The following DACH1 variants were observed in gnomAD, a reference collection of about 807,000 sequenced individuals.
DACH1 encodes dachshund family transcription factor 1.
A neutral mutation model predicts 54.2 loss-of-function variants in DACH1; 12 were observed. The ratio of observed to expected loss-of-function variants is 0.22; its 90% CI spans 0.14 to 0.36. The LOEUF is 0.36. Among genes scored for constraint, DACH1 ranks in the 10% least tolerant of loss-of-function variants. The pLI, the probability that DACH1 is intolerant of heterozygous loss-of-function variation, is 1.00. For missense variants in DACH1, 805 were observed against 929.8 expected (o/e 0.87, Z 1.75); for synonymous variants, 386 against 366.2 (o/e 1.05, Z -0.62).
chr13:71,684,453 A>G (rs1340511628), intron 1 of DACH1, among the ~76,000 whole-genome samples: 1 of 152,078 alleles, frequency 6.6e-6, no homozygotes, highest in Non-Finnish European at 1.5e-5. Context: ...CAGTTTCCTG[A>G]GTGGCTCTGG....
chr13:71,438,256 T>G lies in DACH1; in HGVS notation c.*2399A>C, dbSNP rs1235928688. 1 of 152,344 alleles carries G rather than the reference T, an allele frequency of 6.6e-6. No homozygotes were observed. The highest frequency in any genetic ancestry group is 1.9e-4 in the East Asian group (1 of 5,192). The allele number at this position is 152,344 out of a possible 1,614,324, so 9.4% of individuals were successfully genotyped here. On this transcript the variant is annotated 3_prime_UTR_variant, in exon 11 of 11. Transcript: ENST00000613252. ...GTATGTTCTGTTCCAAGGGCTTGCATAGAGCGCAAATGTGGTTATAATATA... is the reference window on the plus strand; with the variant it reads ...GTATGTTCTGTTCCAAGGGCTTGCAGAGAGCGCAAATGTGGTTATAATATA...
intron 1 of DACH1, among the ~76,000 whole-genome samples, chr13:71,816,936 A>T (rs532622312): frequency 1.3e-5 from 2 of 152,188 alleles, no homozygotes; most frequent in African/African-American, 4.8e-5. Flanking sequence ...GAGGTAGAGG[A>T]TCAGGAAGAA....
intron 6 of DACH1, among the ~76,000 whole-genome samples, chr13:71,529,398 G>A (rs1489136628): frequency 3.3e-5 from 5 of 151,964 alleles, no homozygotes; most frequent in East Asian, 3.9e-4. Context: ...TGTTAGCAAC[G>A]ATGGTCTCCA....
chr13:71,629,963 G>A (rs17088354), intron 3 of DACH1, among the ~76,000 whole-genome samples: 2,835 of 152,082 alleles, frequency 0.019, 93 homozygotes, highest in African/African-American at 0.064. Flanking sequence ...GTCCCTTTTG[G>A]TTTGACAGTG....
intron 1 of DACH1, among the ~76,000 whole-genome samples, chr13:71,693,342 G>A (rs1333665451): frequency 8.1e-6 from 1 of 122,758 alleles, no homozygotes; most frequent in African/African-American, 3.3e-5. Flanking sequence ...TCGCTCTGTC[G>A]CCCAGGCTGG....
chr13:71,703,183 A>G (rs762666548), intron 1 of DACH1, among the ~76,000 whole-genome samples: 6 of 152,244 alleles, frequency 3.9e-5, no homozygotes, highest in Non-Finnish European at 7.3e-5. Flanking sequence ...ATTATTCACA[A>G]TTAGCTATTC....
intron 1 of DACH1, among the ~76,000 whole-genome samples, chr13:71,692,473 CTTTCTTTCCTTTCTT>C (rs1881543185): frequency 1.1e-5 from 1 of 89,368 alleles, no homozygotes; most frequent in African/African-American, 4.5e-5. Flanking sequence ...TTATTTCTTT[CTTTCTTTCCTTTCTT>C]TTTCTTTCTT....
intron 6 of DACH1, among the ~76,000 whole-genome samples, chr13:71,552,132 T>C (rs570326295): frequency 6.6e-6 from 1 of 152,098 alleles, no homozygotes; most frequent in African/African-American, 2.4e-5. Flanking sequence ...GTAGGAGAAA[T>C]GACATATCAA....
intron 1 of DACH1, among the ~76,000 whole-genome samples, chr13:71,815,655 C>T (rs144419981): frequency 6.6e-6 from 1 of 152,134 alleles, no homozygotes; most frequent in East Asian, 1.9e-4. Context: ...TAACAATTTC[C>T]CAAGTAATTA....
intron 6 of DACH1, among the ~76,000 whole-genome samples, chr13:71,515,518 T>C (rs537989991): frequency 2.3e-4 from 35 of 152,060 alleles, no homozygotes; most frequent in African/African-American, 7.9e-4. Flanking sequence ...ACATTTGCTA[T>C]GATTTTGTTA....
chr13:71,781,424 G>A (rs1387561365), intron 1 of DACH1, among the ~76,000 whole-genome samples: 1 of 150,748 alleles, frequency 6.6e-6, no homozygotes, highest in African/African-American at 2.4e-5. Flanking sequence ...TGTCACCCAG[G>A]CTGGAGTGCA....
chr13:71,498,339 A>G (rs1028795019), intron 6 of DACH1, among the ~76,000 whole-genome samples: 1 of 152,188 alleles, frequency 6.6e-6, no homozygotes, highest in African/African-American at 2.4e-5. Flanking sequence ...GAATGAGATA[A>G]GGCAAAGCAA....
At chr13:71,566,278 T>C (rs1884889526) in intron 4 of DACH1, among the ~76,000 whole-genome samples, 1 of 152,164 alleles carries the variant, frequency 6.6e-6, no homozygotes, top group African/African-American at 2.4e-5. Context: ...GGAGGCTTGG[T>C]ACAAGTTGAT....
At chr13:71,743,955 AC>A (rs1884505475) in intron 1 of DACH1, among the ~76,000 whole-genome samples, 2 of 152,148 alleles carry the variant, frequency 1.3e-5, no homozygotes, top group African/African-American at 4.8e-5. Context: ...GAAAGTAAAA[AC>A]GAAAATATAA....
At chr13:71,489,787 T>C (rs1878837702) in intron 6 of DACH1, among the ~76,000 whole-genome samples, 1 of 152,140 alleles carries the variant, frequency 6.6e-6, no homozygotes, top group Non-Finnish European at 1.5e-5. Flanking sequence ...TGAAAAATTA[T>C]AGCTTCCATA....
intron 1 of DACH1, among the ~76,000 whole-genome samples, chr13:71,858,986 C>A (rs745307828): frequency 1.2e-4 from 18 of 151,548 alleles, no homozygotes; most frequent in Non-Finnish European, 2.5e-4. Context: ...TAAAAAGTAA[C>A]TGGCTATTCA....
At chr13:71,690,963 A>G (rs1387066561) in intron 1 of DACH1, among the ~76,000 whole-genome samples, 1 of 152,206 alleles carries the variant, frequency 6.6e-6, no homozygotes, top group Non-Finnish European at 1.5e-5. Flanking sequence ...ACCAACTATG[A>G]ACTCCATAAT....
chr13:71,483,565 TAATTAA>T (rs1481428366), intron 7 of DACH1, among the ~76,000 whole-genome samples: 1 of 147,602 alleles, frequency 6.8e-6, no homozygotes, highest in Non-Finnish European at 1.5e-5. Context: ...AATTAAATTA[TAATTAA>T]AATTATATAT....
At chr13:71,472,111 T>C (rs1877131883) in intron 10 of DACH1, among the ~76,000 whole-genome samples, 1 of 152,198 alleles carries the variant, frequency 6.6e-6, no homozygotes, top group Non-Finnish European at 1.5e-5. Context: ...AATGGCCATA[T>C]ATTTCAGTTC....
Sources: allele counts gnomAD v4.1 joint callset (sites outside exome capture counted in the v4.1 genomes callset), GRCh38; gene constraint gnomAD v4.1.1; transcripts MANE v1.5; gene names NCBI Gene and HGNC (gene_info 2026-07-23, HGNC 2026-07-21).